TBXAS1: variants seen among roughly 807,000 people sequenced by gnomAD.
The protein encoded by TBXAS1 is thromboxane-A synthase.
In TBXAS1, 48 loss-of-function variants were observed where a neutral mutation model predicts 60.7. The ratio of observed to expected loss-of-function variants is 0.79; its 90% CI spans 0.63 to 1.01. The LOEUF (loss-of-function observed/expected upper bound fraction) is 1.01, where lower values mean the gene tolerates loss of function less well. Ranked by LOEUF, TBXAS1 falls within the 50% of genes least tolerant of loss-of-function variation. TBXAS1 has a pLI of 0.00. For synonymous variants in TBXAS1, 287 were observed against 269.7 expected (o/e 1.06, Z -0.63); for missense variants, 685 against 686.3 (o/e 1.00, Z 0.02).
At chr7:139,845,927 G>C (rs1033390484) in intron 1 of TBXAS1, among the ~76,000 whole-genome samples, 1 of 151,370 alleles carries the variant, frequency 6.6e-6, no homozygotes, top group Non-Finnish European at 1.5e-5. Context: ...CAGGCTCGGG[G>C]AATTCTCCCA....
At chr7:140,017,267 A>G (rs1815155437) in intron 11 of TBXAS1, among the ~76,000 whole-genome samples, 6 of 152,174 alleles carry the variant, frequency 3.9e-5, no homozygotes, top group Admixed American at 3.3e-4. Flanking sequence ...CCAAGGAAGC[A>G]GGTGGCGGCT....
At chr7:140,006,503 CCT>C (rs1274111629) in intron 9 of TBXAS1, among the ~76,000 whole-genome samples, 2 of 152,186 alleles carry the variant, frequency 1.3e-5, no homozygotes, top group Non-Finnish European at 2.9e-5. Flanking sequence ...ACTCATATGG[CCT>C]CTGTGTTTCG....
At chr7:139,933,890 A>G (rs577170561) in intron 4 of TBXAS1, among the ~76,000 whole-genome samples, 115 of 150,206 alleles carry the variant, frequency 7.7e-4, no homozygotes, top group African/African-American at 2.6e-3. Flanking sequence ...ACTCTGACCA[A>G]TGGTGGGGGC....
intron 1 of TBXAS1, among the ~76,000 whole-genome samples, chr7:139,850,703 C>T (rs1374024752): frequency 6.6e-6 from 1 of 152,126 alleles, no homozygotes; most frequent in Non-Finnish European, 1.5e-5. Flanking sequence ...TGACTGGCAT[C>T]CTTATAAGAA....
At chr7:139,867,294 T>C (rs1801490927) in intron 1 of TBXAS1, among the ~76,000 whole-genome samples, 1 of 152,316 alleles carries the variant, frequency 6.6e-6, no homozygotes, top group Admixed American at 6.5e-5. Flanking sequence ...AGGAATTCTT[T>C]GGTAGTGACA....
intron 9 of TBXAS1, among the ~76,000 whole-genome samples, chr7:139,964,915 C>T (rs1315220918): frequency 1.3e-5 from 2 of 152,188 alleles, no homozygotes; most frequent in Non-Finnish European, 2.9e-5. Context: ...CAGGAGGACA[C>T]AGCAAGTGCT....
At chr7:139,963,541 C>G (rs1810532983) in intron 9 of TBXAS1, among the ~76,000 whole-genome samples, 1 of 152,176 alleles carries the variant, frequency 6.6e-6, no homozygotes, top group East Asian at 1.9e-4. Flanking sequence ...CCAAATAACC[C>G]TGCCACCCAT....
intron 3 of TBXAS1, among the ~76,000 whole-genome samples, chr7:139,890,100 T>C (rs866676443): frequency 6.6e-6 from 1 of 151,740 alleles, no homozygotes; most frequent in South Asian, 2.1e-4. Context: ...AATTGTTACA[T>C]GGGGAATAGC....
chr7:139,846,584 T>C (rs1799819471), intron 1 of TBXAS1, among the ~76,000 whole-genome samples: 2 of 152,238 alleles, frequency 1.3e-5, no homozygotes, highest in Admixed American at 6.5e-5. Flanking sequence ...GCTGGGCAGC[T>C]AGATCTTGGT....
At chr7:139,915,893 C>T (rs978886257) in intron 4 of TBXAS1, among the ~76,000 whole-genome samples, 2 of 152,198 alleles carry the variant, frequency 1.3e-5, no homozygotes, top group Non-Finnish European at 1.5e-5. Flanking sequence ...GGAGTCTGTG[C>T]AATGTCTCTG....
intron 4 of TBXAS1, among the ~76,000 whole-genome samples, chr7:139,810,409 T>C (rs1249336645): frequency 6.6e-6 from 1 of 152,198 alleles, no homozygotes; most frequent in Non-Finnish European, 1.5e-5. Context: ...CAGGAAGAGT[T>C]ATCTCTTGGG....
At chr7:139,824,930 A>G (rs1463299318), upstream of TBXAS1, among the ~76,000 whole-genome samples, 1 of 150,334 alleles carries the variant, frequency 6.7e-6, no homozygotes, top group Non-Finnish European at 1.5e-5. Context: ...CCTGGGTTCA[A>G]ATGATTCTCC....
chr7:139,996,118 A>G (rs923232148), intron 9 of TBXAS1, among the ~76,000 whole-genome samples: 1 of 149,012 alleles, frequency 6.7e-6, no homozygotes, highest in South Asian at 2.1e-4. Context: ...ACAGGTGCAC[A>G]CCACCATGTC....
intron 3 of TBXAS1, among the ~76,000 whole-genome samples, chr7:139,884,186 G>A (rs1224878443): frequency 6.6e-6 from 1 of 152,212 alleles, no homozygotes; most frequent in Non-Finnish European, 1.5e-5. Context: ...CACTTCTCCT[G>A]CAGAGACCAG....
intron 3 of TBXAS1, among the ~76,000 whole-genome samples, chr7:139,904,933 T>C (rs1223001430): frequency 6.6e-6 from 1 of 152,046 alleles, no homozygotes; most frequent in African/African-American, 2.4e-5. Context: ...GATGCTCTCC[T>C]TTCTTTCTTC....
intron 4 of TBXAS1, among the ~76,000 whole-genome samples, chr7:139,805,932 G>GC (rs1797862085): frequency 8.1e-6 from 1 of 123,678 alleles, no homozygotes; most frequent in African/African-American, 3.6e-5. Context: ...GCAAATTTTT[G>GC]CTTTTTTTTT....
At chr7:139,922,945 T>C (rs553475506) in intron 4 of TBXAS1, among the ~76,000 whole-genome samples, 1 of 152,372 alleles carries the variant, frequency 6.6e-6, no homozygotes, top group South Asian at 2.1e-4. Flanking sequence ...ACTTCTGGAC[T>C]CTGTCCCATT....
intron 2 of TBXAS1, among the ~76,000 whole-genome samples, chr7:139,874,664 C>T (rs1802084106): frequency 6.6e-6 from 1 of 152,158 alleles, no homozygotes. Context: ...TCCATTCTCA[C>T]AACACAAATC....
chr7:139,955,374 T>C, intron 6 of TBXAS1, 85 bp from the exon 7 acceptor site: 1 of 1,568,202 alleles, frequency 6.4e-7, no homozygotes, highest in Non-Finnish European at 8.8e-7. Context: ...GTGTAAGCAA[T>C]TCAGGCCCTC....
Sources: gnomAD v4.1 joint callset for allele counts (sites outside exome capture counted in the v4.1 genomes callset) on GRCh38, gnomAD v4.1.1 for gene constraint, MANE v1.5 for transcripts, NCBI Gene and HGNC (gene_info 2026-07-23, HGNC 2026-07-21) for gene names.